TLE3: variants seen among roughly 807,000 people sequenced by gnomAD.
TLE3 encodes the protein TLE family member 3, transcriptional corepressor.
TLE3 carries 14 observed loss-of-function variants against 93.0 expected under a neutral mutation model. That is an observed-to-expected ratio of 0.15 (90% CI 0.10 to 0.24). The LOEUF (loss-of-function observed/expected upper bound fraction) is 0.24. TLE3 is among the 10% of genes least tolerant of loss of function. The probability of loss-of-function intolerance (pLI) is 1.00; values close to 1 mark genes in which losing one functional copy is unlikely to be tolerated. For missense variants in TLE3, 693 were observed against 1,046.6 expected, an observed-to-expected ratio of 0.66 and a Z score of 4.66; for synonymous variants, 451 against 425.0, an observed-to-expected ratio of 1.06 and a Z score of -0.75.
intron 16 of TLE3, chr15:70,053,577 T>C (rs1328390913): frequency 3.9e-6 from 2 of 507,200 alleles, no homozygotes; most frequent in East Asian, 7.7e-5. Flanking sequence ...ACGGAAGGGT[T>C]TGCCCAGGGA....
rs754844341 is a variant in TLE3 at position 70,096,908 on chromosome 15, G to A, written c.-110C>T. ...GAGCGGGGGGCGGCCGGGAAACCGA[G>A]AGCTCGCCCCCGGCCCCCCCAGCTC... On this transcript the variant is annotated 5_prime_UTR_variant, in exon 1 of 20. Coordinates refer to ENST00000451782, the MANE Select transcript of TLE3 (RefSeq NM_001105192.3). 4.0e-6 allele frequency: 5 copies of A among 1,241,622 alleles called. No individual in the cohort carries two copies. In the South Asian group the frequency reaches 5.2e-5, roughly 13 times the overall value. The allele number at this position is 1,241,622 out of a possible 1,614,324, so 76.9% of individuals were successfully genotyped here.
chr15:70,077,307 T>C (rs1277644246), intron 4 of TLE3, among the ~76,000 whole-genome samples: 1 of 152,212 alleles, frequency 6.6e-6, no homozygotes, highest in Non-Finnish European at 1.5e-5. Context: ...GCTTTTCTTA[T>C]CTCATTCTGA....
In TLE3 at chr15:70,057,557, C is replaced by A. The variant is rs765874326; in HGVS notation, c.1153G>T (p.Ala385Ser). The A allele has an allele frequency of 6.9e-6, 11 of 1,602,642 alleles. No homozygotes were observed. The highest frequency in any genetic ancestry group is 2.7e-5 in the African/African-American group (2 of 74,904). The change falls in exon 13 of 20, where the codon GCC (alanine) becomes TCC (serine). Residue 385 changes from alanine to serine, a missense_variant. Physicochemically the swap from Ala to Ser is moderately conservative, Grantham distance 99 (BLOSUM62 1). This residue lies in a region of TLE3 where 405 missense variants were observed against 468.9 expected (regional missense o/e 0.86). Transcript: ENST00000451782. The stretch of plus-strand genomic sequence containing the variant: ...GGGATGTTGTGGAGGCCGGCGTAGG[C>A]GCCAGGACTGGTGAGGGAGCCGTTC... ...EMNGSLTSPG[A>S]YAGLHNIPPQ...
chr15:70,065,988 C>CCCCCCCA, intron 7 of TLE3, 26 bp downstream of exon 7: 1 of 1,573,134 alleles, frequency 6.4e-7, no homozygotes, highest in Non-Finnish European at 8.7e-7. Flanking sequence ...TGCCCCGCCC[C>CCCCCCCA]ACCCTCTGCC....
rs1487478470 is a variant in TLE3, at chr15:70,096,256, G to C, written c.30C>G (p.Pro10=). The C allele has an allele frequency of 4.5e-6, 7 of 1,553,582 alleles. No individual in the cohort carries two copies. The South Asian group carries it at 4.7e-5, about 11-fold the overall frequency. The part of the protein sequence containing the change: MYPQGRHPA[P]HQPGQPGFKF... ...TAAATCCCGGCTGCCCGGGTTGATGGGGAGCCTGGAGCCCGCGAAGACAAG... is the reference window on the plus strand; with the variant it reads ...TAAATCCCGGCTGCCCGGGTTGATGCGGAGCCTGGAGCCCGCGAAGACAAG... The change falls in exon 2 of 20, where the codon CCC becomes CCG. Residue 10 remains proline, a synonymous_variant. Coordinates refer to ENST00000451782, the MANE Select transcript of TLE3 (RefSeq NM_001105192.3).
rs2291982 is a variant in TLE3 at position 70,058,118 on chromosome 15, C to A, written c.1051+41G>T. On this transcript the variant is annotated intron_variant, in intron 12 of 19. Coordinates refer to ENST00000451782, the MANE Select transcript of TLE3 (RefSeq NM_001105192.3). This position sits in a 1 kb window ranked among gnomAD's most constrained non-coding sequence, Gnocchi z 4.1. The stretch of plus-strand genomic sequence containing the variant: ...CTGGCCAAGAGCAGACCCCCTCCCC[C>A]CAATCAGATTAACCCAGCCCATGGT... The A allele has an allele frequency of 0.17, 273,179 of 1,612,752 alleles. 24,084 individuals carry two copies. Among genetic ancestry groups the A allele is most frequent in the Non-Finnish European group, 0.18 (209,773 of 1,179,276 alleles).
At chr15:70,096,527 C>G (rs1282789330) in intron 1 of TLE3, 1 of 1,325,156 alleles carries the variant, frequency 7.5e-7, no homozygotes, top group African/African-American at 1.5e-5. Context: ...AGTTGGGAGA[C>G]TTCAGAGCGG....
At chr15:70,096,498 G>A in intron 1 of TLE3, 1 of 1,192,042 alleles carries the variant, frequency 8.4e-7, no homozygotes, top group Non-Finnish European at 1.2e-6. Context: ...TAAGGCGGGG[G>A]CGGGAGACAA....
chr15:70,067,907 A>G (rs1253103187), intron 6 of TLE3, among the ~76,000 whole-genome samples: 1 of 152,158 alleles, frequency 6.6e-6, no homozygotes, highest in East Asian at 1.9e-4. Flanking sequence ...TAGGCAGTTC[A>G]TGGGCACTGT....
chr15:70,067,759 C>T, intron 6 of TLE3, among the ~76,000 whole-genome samples: 1 of 152,234 alleles, frequency 6.6e-6, no homozygotes, highest in East Asian at 1.9e-4. Flanking sequence ...CCCACCTGGC[C>T]TCATCCCAAA....
At chr15:70,093,984 T>G (rs956514827) in intron 4 of TLE3, among the ~76,000 whole-genome samples, 2 of 152,178 alleles carry the variant, frequency 1.3e-5, no homozygotes, top group Admixed American at 6.5e-5. Context: ...AGCCACCTTG[T>G]CAATGCAAGG....
chr15:70,079,298 G>T, intron 4 of TLE3: 1 of 472,236 alleles, frequency 2.1e-6, no homozygotes, highest in Non-Finnish European at 4.2e-6. Context: ...GCCCATGTTC[G>T]ACGAAGAGAG....
Position 70,060,520 on chromosome 15 carries a change from T to C in TLE3, c.714+10A>G, listed in dbSNP as rs758625210. 3.1e-6 allele frequency: 5 copies of C among 1,613,410 alleles called. No homozygotes were observed. The East Asian group carries it at 6.7e-5, about 22-fold the overall frequency. On this transcript the variant is annotated intron_variant, in intron 9 of 19. Coordinates refer to ENST00000451782, the MANE Select transcript of TLE3 (RefSeq NM_001105192.3). Reference sequence around the variant, plus strand: ...GAAACCCCAGTGGTGCCATGGCGCCTTGGACGTACGTATCGGCTCAAGCTG... The same window carrying C: ...GAAACCCCAGTGGTGCCATGGCGCCCTGGACGTACGTATCGGCTCAAGCTG...
chr15:70,090,808 T>G (rs905628165), intron 4 of TLE3, among the ~76,000 whole-genome samples: 1 of 152,206 alleles, frequency 6.6e-6, no homozygotes, highest in Non-Finnish European at 1.5e-5. Flanking sequence ...TGCAAATAGC[T>G]GGCAATTCAA....
chr15:70,069,877 C>G (rs1201836267), intron 6 of TLE3, among the ~76,000 whole-genome samples: 1 of 152,268 alleles, frequency 6.6e-6, no homozygotes, highest in African/African-American at 2.4e-5. Context: ...CAGCTATCCT[C>G]AGGCTGTATT....
intron 1 of TLE3, 41 bp from the exon 2 acceptor site, chr15:70,096,302 A>C: frequency 6.5e-7 from 1 of 1,546,826 alleles, no homozygotes; most frequent in Non-Finnish European, 8.7e-7. Context: ...GGGCGGGGGC[A>C]TGAGACCGCG....
At chr15:70,075,466 C>G (rs905490742) in intron 5 of TLE3, among the ~76,000 whole-genome samples, 9 of 152,208 alleles carry the variant, frequency 5.9e-5, no homozygotes, top group Admixed American at 5.9e-4. Flanking sequence ...CAATCATTTA[C>G]TCAGGTCACC....
intron 5 of TLE3, among the ~76,000 whole-genome samples, chr15:70,075,469 AG>A (rs1161385042): frequency 2.0e-5 from 3 of 152,204 alleles, no homozygotes; most frequent in Non-Finnish European, 2.9e-5. Flanking sequence ...TCATTTACTC[AG>A]GTCACCATTA....
intron 6 of TLE3, among the ~76,000 whole-genome samples, chr15:70,067,718 C>G (rs2056899197): frequency 6.6e-6 from 1 of 152,208 alleles, no homozygotes; most frequent in South Asian, 2.1e-4. Flanking sequence ...GGATAAAGGG[C>G]CCTACTCTCC....
Sources: allele counts gnomAD v4.1 joint callset (sites outside exome capture counted in the v4.1 genomes callset), GRCh38; gene constraint gnomAD v4.1.1; regional missense constraint gnomAD v4.1.1; non-coding constraint Gnocchi (gnomAD v3.1); transcripts MANE v1.5; gene names NCBI Gene and HGNC (gene_info 2026-07-23, HGNC 2026-07-21).